The following CALN1 variants were observed in gnomAD, a reference collection of about 807,000 sequenced individuals.
CALN1 encodes the protein calcium-binding protein 8.
CALN1 carries 17 observed loss-of-function variants against 30.6 expected under a neutral mutation model. That is an observed-to-expected ratio of 0.56 (90% CI 0.38 to 0.83). The LOEUF (loss-of-function observed/expected upper bound fraction) is 0.83. CALN1 is among the 40% of genes least tolerant of loss of function. The pLI is 0.00. For synonymous variants in CALN1, 156 were observed against 131.4 expected, an observed-to-expected ratio of 1.19 and a Z score of -1.28; for missense variants, 291 against 354.9, an observed-to-expected ratio of 0.82 and a Z score of 1.45.
At chr7:72,320,560 A>C (rs1800801952) in intron 2 of CALN1, among the ~76,000 whole-genome samples, 1 of 152,066 alleles carries the variant, frequency 6.6e-6, no homozygotes, top group Non-Finnish European at 1.5e-5. Context: ...GGCAGCTGGA[A>C]GTGATGGCTC....
chr7:71,922,694 TAACA>T (rs1308892824), intron 5 of CALN1, among the ~76,000 whole-genome samples: 8 of 138,078 alleles, frequency 5.8e-5, no homozygotes, highest in African/African-American at 1.6e-4. Context: ...TATAAATATA[TAACA>T]TACAGAATAT....
chr7:71,841,043 G>T (rs745661937), intron 5 of CALN1, among the ~76,000 whole-genome samples: 13 of 152,224 alleles, frequency 8.5e-5, no homozygotes, highest in Middle Eastern at 3.4e-3. Flanking sequence ...TATCTTAGTG[G>T]AGACGTTTTG....
At chr7:72,313,460 C>A (rs1314823941) in intron 2 of CALN1, among the ~76,000 whole-genome samples, 2 of 152,120 alleles carry the variant, frequency 1.3e-5, no homozygotes, top group East Asian at 3.9e-4. Flanking sequence ...GATACAATCT[C>A]AGCTCACCGC....
chr7:71,972,768 T>G (rs1264157264), intron 5 of CALN1, among the ~76,000 whole-genome samples: 1 of 152,092 alleles, frequency 6.6e-6, no homozygotes, highest in African/African-American at 2.4e-5. Context: ...GCCGTTAAGC[T>G]CCCCTCATTT....
intron 3 of CALN1, among the ~76,000 whole-genome samples, chr7:72,221,613 G>C (rs547758612): frequency 1.3e-5 from 2 of 152,304 alleles, no homozygotes; most frequent in South Asian, 4.1e-4. Context: ...GGCTGAGGCT[G>C]GACGCAGTGG....
chr7:72,308,375 G>GGA (rs1799807039), intron 2 of CALN1, among the ~76,000 whole-genome samples: 1 of 29,886 alleles, frequency 3.3e-5, no homozygotes. Flanking sequence ...GGGGGGGGGA[G>GGA]AGAGAGAGAG....
chr7:72,039,678 T>C (rs1259407177), intron 4 of CALN1, among the ~76,000 whole-genome samples: 2 of 152,142 alleles, frequency 1.3e-5, no homozygotes, highest in African/African-American at 4.8e-5. Context: ...CAGCTGTGGT[T>C]TCTAGCCACA....
chr7:72,411,315 C>T (rs886811760), intron 1 of CALN1, among the ~76,000 whole-genome samples: 7 of 151,896 alleles, frequency 4.6e-5, no homozygotes, highest in African/African-American at 1.7e-4. Context: ...GAGCTTTCCA[C>T]GTGAGACCTA....
chr7:71,799,477 A>T (rs1787178178), intron 6 of CALN1, among the ~76,000 whole-genome samples: 1 of 148,444 alleles, frequency 6.7e-6, no homozygotes, highest in Non-Finnish European at 1.5e-5. Flanking sequence ...TTAGTTAGTT[A>T]GTTTTTGAGA....
intron 3 of CALN1, among the ~76,000 whole-genome samples, chr7:72,246,308 T>C (rs1795153697): frequency 6.6e-6 from 1 of 152,150 alleles, no homozygotes; most frequent in Non-Finnish European, 1.5e-5. Context: ...GGCCTTAAAA[T>C]GCTGACACCA....
At chr7:72,412,687 C>T (rs1349098207), upstream of CALN1, among the ~76,000 whole-genome samples, 1 of 152,218 alleles carries the variant, frequency 6.6e-6, no homozygotes, top group Non-Finnish European at 1.5e-5. Flanking sequence ...CCCATGGAAC[C>T]TGCTTTGGGA....
intron 1 of CALN1, among the ~76,000 whole-genome samples, chr7:72,430,964 A>ATTTTT (rs781481392): frequency 5.0e-5 from 6 of 118,982 alleles, no homozygotes; most frequent in Admixed American, 9.1e-5. Flanking sequence ...AAGCCAAGCT[A>ATTTTT]TTTTTTTTTT....
chr7:72,301,672 C>T (rs1396836853), intron 2 of CALN1, among the ~76,000 whole-genome samples: 5 of 150,860 alleles, frequency 3.3e-5, no homozygotes. Flanking sequence ...ACGTTGATCT[C>T]CCAGAGTAAG....
At chr7:72,071,225 C>A (rs748559315) in intron 4 of CALN1, among the ~76,000 whole-genome samples, 7 of 152,106 alleles carry the variant, frequency 4.6e-5, no homozygotes, top group Non-Finnish European at 7.4e-5. Flanking sequence ...CAGCAGGAAT[C>A]AGGTTGGGCA....
At position 71,785,168 on chromosome 7, in the gene CALN1, C is replaced by A. The variant is rs865950231; in HGVS notation, c.*2607G>T. ...GCTGTCAGAAAGAATTCTGTGTCTTCCTTCTTGCCATCTCTCTCTAGCAGT... is the reference window on the plus strand; with the variant it reads ...GCTGTCAGAAAGAATTCTGTGTCTTACTTCTTGCCATCTCTCTCTAGCAGT... On this transcript the variant is annotated 3_prime_UTR_variant, in exon 7 of 7. Transcript: ENST00000395275. The A allele has an allele frequency of 3.3e-6, 1 of 304,742 alleles. No homozygotes were observed. The highest frequency in any genetic ancestry group is 6.0e-6 in the Non-Finnish European group (1 of 167,012). 18.9% of individuals were successfully genotyped at this position (304,742 alleles called of 1,614,324 possible).
intron 4 of CALN1, among the ~76,000 whole-genome samples, chr7:72,105,617 GAAAC>G (rs959328149): frequency 6.6e-5 from 10 of 151,244 alleles, no homozygotes; most frequent in Admixed American, 1.3e-4. Flanking sequence ...AAAGAAAGAG[GAAAC>G]AAACAAACAA....
intron 5 of CALN1, among the ~76,000 whole-genome samples, chr7:72,000,124 GA>G (rs2129528490): frequency 6.6e-6 from 1 of 151,744 alleles, no homozygotes; most frequent in African/African-American, 2.4e-5. Flanking sequence ...ACTAAAAAAA[GA>G]ACAATACAAA....
intron 3 of CALN1, among the ~76,000 whole-genome samples, chr7:72,278,458 G>C (rs985682730): frequency 2.8e-5 from 4 of 142,124 alleles, no homozygotes; most frequent in African/African-American, 1.0e-4. Context: ...AGATTGCTCA[G>C]GCTATCAGGT....
chr7:71,878,676 T>C (rs551767784), intron 5 of CALN1, among the ~76,000 whole-genome samples: 1 of 152,266 alleles, frequency 6.6e-6, no homozygotes, highest in Admixed American at 6.5e-5. Context: ...TGGGAGGTCC[T>C]TGAAAACACA....
Sources: allele counts gnomAD v4.1 joint callset (sites outside exome capture counted in the v4.1 genomes callset), GRCh38; gene constraint gnomAD v4.1.1; transcripts MANE v1.5; gene names NCBI Gene and HGNC (gene_info 2026-07-23, HGNC 2026-07-21).